The following CPNE4 variants were observed in gnomAD, a reference collection of about 807,000 sequenced individuals.
The protein encoded by CPNE4 is copine 4, also known as copine-4.
A neutral mutation model predicts 67.9 loss-of-function variants in CPNE4; 25 were observed. The ratio of observed to expected loss-of-function variants is 0.37; its 90% CI spans 0.27 to 0.51. The LOEUF is 0.51. CPNE4 is among the 20% of genes least tolerant of loss of function. The probability of loss-of-function intolerance (pLI) is 0.93; values close to 1 mark genes in which losing one functional copy is unlikely to be tolerated. For synonymous variants in CPNE4, 242 were observed against 244.9 expected, an observed-to-expected ratio of 0.99 and a Z score of 0.11; for missense variants, 464 against 690.8, an observed-to-expected ratio of 0.67 and a Z score of 3.68.
intron 2 of CPNE4, among the ~76,000 whole-genome samples, chr3:131,837,825 T>C (rs62280882): frequency 6.6e-6 from 1 of 151,794 alleles, no homozygotes; most frequent in East Asian, 1.9e-4. Context: ...TTATATATGA[T>C]GTTCTCTTGG....
chr3:131,996,471 G>A (rs902488064), intron 1 of CPNE4, among the ~76,000 whole-genome samples: 4 of 118,592 alleles, frequency 3.4e-5, no homozygotes, highest in Admixed American at 2.7e-4. Flanking sequence ...AATAATGTCA[G>A]AGTAAAATGG....
chr3:131,843,692 G>C (rs1009664492), intron 2 of CPNE4, among the ~76,000 whole-genome samples: 4 of 152,108 alleles, frequency 2.6e-5, no homozygotes, highest in African/African-American at 9.7e-5. Flanking sequence ...GTTTTATTTT[G>C]TGCTAAGTGG....
At position 131,635,905 on chromosome 3, in the gene CPNE4, C is replaced by A. The variant is rs1351605172; in HGVS notation, c.681+33770G>T. Among the ~76,000 whole-genome samples the A allele has an allele frequency of 3.4e-5, 3 of 86,978 alleles. 1 individual carries two copies. Among genetic ancestry groups the A allele is most frequent in the Non-Finnish European group, 5.8e-5 (3 of 51,694 alleles). 57.1% of individuals were successfully genotyped at this position (86,978 alleles called of 152,430 possible). A position where few individuals can be genotyped will look rare whatever the true frequency, so the allele number is the denominator to read the frequency against. ...GACCATCCCGGCTAAAACGGTGAAA[C>A]CCCGTCTCTACTAAAAATACAAAAA... is the stretch of plus-strand genomic sequence containing the variant. On this transcript the variant is annotated intron_variant, in intron 7 of 15. Transcript: ENST00000429747.
intron 1 of CPNE4, among the ~76,000 whole-genome samples, chr3:132,023,767 G>T (rs367964362): frequency 2.0e-5 from 3 of 152,102 alleles, no homozygotes; most frequent in Admixed American, 1.3e-4. Context: ...GATTACAGGC[G>T]TGAGCCACCG....
chr3:131,654,334 A>G (rs545326272), intron 7 of CPNE4, among the ~76,000 whole-genome samples: 5 of 151,826 alleles, frequency 3.3e-5, no homozygotes, highest in Non-Finnish European at 7.4e-5. Context: ...TTTTGTACAG[A>G]TTGTTTTGTC....
intron 10 of CPNE4, among the ~76,000 whole-genome samples, chr3:131,574,161 A>G (rs138542118): frequency 1.1e-4 from 16 of 152,260 alleles, no homozygotes; most frequent in Admixed American, 2.6e-4. Context: ...TGACTGAGCC[A>G]GTCAGGGAGC....
chr3:131,564,878 C>T (rs995089217), intron 10 of CPNE4, among the ~76,000 whole-genome samples: 4 of 151,984 alleles, frequency 2.6e-5, no homozygotes, highest in African/African-American at 9.7e-5. Flanking sequence ...CTGGAAGGAG[C>T]AGCTCCATGT....
intron 2 of CPNE4, among the ~76,000 whole-genome samples, chr3:131,879,316 G>C (rs2087577932): frequency 1.3e-5 from 2 of 152,166 alleles, no homozygotes; most frequent in South Asian, 4.1e-4. Flanking sequence ...TAATGTAAGT[G>C]TGTTTCCATT....
At chr3:131,619,342 A>T (rs1234433524) in intron 7 of CPNE4, among the ~76,000 whole-genome samples, 2 of 152,172 alleles carry the variant, frequency 1.3e-5, no homozygotes, top group African/African-American at 4.8e-5. Context: ...CTGGCACAGG[A>T]CTTAGACAAG....
chr3:131,677,402 G>A (rs981271320), intron 6 of CPNE4, among the ~76,000 whole-genome samples: 1 of 152,002 alleles, frequency 6.6e-6, no homozygotes, highest in African/African-American at 2.4e-5. Flanking sequence ...TCTGTTGATA[G>A]TTTCTTTTGC....
intron 2 of CPNE4, among the ~76,000 whole-genome samples, chr3:131,761,877 C>A (rs1193063758): frequency 2.0e-5 from 3 of 152,064 alleles, no homozygotes; most frequent in African/African-American, 7.2e-5. Context: ...AGAGATAAAA[C>A]CCTGCATTAG....
chr3:131,731,481 C>T (rs1035755756), intron 2 of CPNE4, among the ~76,000 whole-genome samples: 1 of 151,776 alleles, frequency 6.6e-6, no homozygotes, highest in Admixed American at 6.6e-5. Flanking sequence ...GCCACAGAAG[C>T]GTAGATCTCA....
At chr3:131,819,507 C>CAG (rs2084878599) in intron 2 of CPNE4, among the ~76,000 whole-genome samples, 1 of 151,042 alleles carries the variant, frequency 6.6e-6, no homozygotes, top group African/African-American at 2.5e-5. Flanking sequence ...CACACACACA[C>CAG]ACACACACAC....
intron 2 of CPNE4, among the ~76,000 whole-genome samples, chr3:131,898,315 C>T (rs922207599): frequency 1.3e-5 from 2 of 152,018 alleles, no homozygotes; most frequent in African/African-American, 2.4e-5. Flanking sequence ...TCTCAAGGTA[C>T]ACTATAAAAA....
intron 2 of CPNE4, among the ~76,000 whole-genome samples, chr3:131,877,665 A>G (rs180931726): frequency 2.0e-5 from 3 of 152,342 alleles, no homozygotes; most frequent in African/African-American, 7.2e-5. Context: ...AGTAATGAAA[A>G]AAATATGACT....
intron 2 of CPNE4, among the ~76,000 whole-genome samples, chr3:131,884,905 T>G (rs998025880): frequency 6.6e-6 from 1 of 152,200 alleles, no homozygotes; most frequent in East Asian, 1.9e-4. Flanking sequence ...TCTCTCTCTT[T>G]TGTAAATTGC....
At chr3:131,667,569 C>T (rs543911175) in intron 7 of CPNE4, among the ~76,000 whole-genome samples, 3 of 152,042 alleles carry the variant, frequency 2.0e-5, no homozygotes, top group African/African-American at 4.8e-5. Context: ...CAATAGTGCA[C>T]GTGTGGAGAA....
intron 5 of CPNE4, among the ~76,000 whole-genome samples, chr3:131,686,950 A>T (rs925490241): frequency 2.0e-5 from 3 of 152,128 alleles, no homozygotes; most frequent in Non-Finnish European, 4.4e-5. Context: ...AGCTCTGCTC[A>T]GTTTCTGTTT....
chr3:131,849,710 C>A (rs529208090), intron 2 of CPNE4, among the ~76,000 whole-genome samples: 5 of 152,176 alleles, frequency 3.3e-5, no homozygotes, highest in African/African-American at 4.8e-5. Flanking sequence ...TTTGCCATTA[C>A]CATGAGTAGA....
Sources: allele counts gnomAD v4.1 joint callset (sites outside exome capture counted in the v4.1 genomes callset), GRCh38; gene constraint gnomAD v4.1.1; transcripts MANE v1.5; gene names NCBI Gene and HGNC (gene_info 2026-07-23, HGNC 2026-07-21).